Variants in TIMM23 observed in about 807,000 individuals in gnomAD.
TIMM23 encodes the protein mitochondrial import inner membrane translocase subunit Tim23.
Under a neutral mutation model 30.7 loss-of-function variants are expected in TIMM23, and 19 were observed. That is an observed-to-expected ratio of 0.62 (90% CI 0.43 to 0.91). The LOEUF (loss-of-function observed/expected upper bound fraction) is 0.91. Among genes scored for constraint, TIMM23 ranks in the 40% least tolerant of loss-of-function variants. The probability of loss-of-function intolerance (pLI) is 0.00; values close to 1 mark genes in which losing one functional copy is unlikely to be tolerated. For missense variants in TIMM23, 202 were observed against 269.2 expected (o/e 0.75, Z 1.75); for synonymous variants, 78 against 98.5 (o/e 0.79, Z 1.23).
At chr10:45,998,489 A>C in intron 6 of TIMM23, 1 of 653,312 alleles carries the variant, frequency 1.5e-6, no homozygotes, top group Non-Finnish European at 1.9e-6. Context: ...ACCTTTGCTT[A>C]TCAACTTCCT....
At chr10:45,972,816 T>G (rs1340531290) in intron 1 of TIMM23, 86 bp downstream of exon 1, 3 of 1,557,228 alleles carry the variant, frequency 1.9e-6, no homozygotes, top group African/African-American at 2.8e-5. Context: ...ATGTTGTTGT[T>G]TTTTTTTTCC....
intron 1 of TIMM23, among the ~76,000 whole-genome samples, chr10:45,974,357 G>T (rs1291558334): frequency 6.6e-6 from 1 of 152,220 alleles, no homozygotes; most frequent in African/African-American, 2.4e-5. Flanking sequence ...TCTCAAGGGA[G>T]TTGACATTTG....
chr10:45,986,190 AT>A (rs1837982695), intron 5 of TIMM23, among the ~76,000 whole-genome samples: 1 of 152,224 alleles, frequency 6.6e-6, no homozygotes, highest in South Asian at 2.1e-4. Context: ...TTGTCACAGA[AT>A]TTGGAAGCAG....
At chr10:45,999,557 G>A (rs988858753) in intron 6 of TIMM23, among the ~76,000 whole-genome samples, 2 of 152,130 alleles carry the variant, frequency 1.3e-5, no homozygotes, top group Admixed American at 6.5e-5. Context: ...GTGCGAATAG[G>A]TGTGGGTCAG....
At chr10:45,979,745 G>C (rs1837789696) in intron 2 of TIMM23, among the ~76,000 whole-genome samples, 1 of 150,778 alleles carries the variant, frequency 6.6e-6, no homozygotes, top group Admixed American at 6.7e-5. Context: ...TTGATGGTTC[G>C]GACCTTGCCA....
intron 6 of TIMM23, among the ~76,000 whole-genome samples, chr10:46,002,808 GTATTT>G (rs1451745834): frequency 8.7e-6 from 1 of 115,478 alleles, no homozygotes; most frequent in African/African-American, 3.3e-5. Context: ...CCATTTCATA[GTATTT>G]TTTTTTTTTT....
chr10:45,987,100 A>G (rs1838013409), intron 5 of TIMM23, among the ~76,000 whole-genome samples: 1 of 152,060 alleles, frequency 6.6e-6, no homozygotes, highest in Admixed American at 6.6e-5. Flanking sequence ...ATCAATTCAG[A>G]TGGTACAAAT....
At chr10:45,997,529 A>AGAGC (rs1838381223) in intron 6 of TIMM23, among the ~76,000 whole-genome samples, 1 of 152,322 alleles carries the variant, frequency 6.6e-6, no homozygotes, top group East Asian at 1.9e-4. Context: ...AGATGTTGGT[A>AGAGC]CACAGAGCAC....
intron 6 of TIMM23, among the ~76,000 whole-genome samples, chr10:45,993,014 C>T (rs1838212257): frequency 6.6e-6 from 1 of 152,120 alleles, no homozygotes; most frequent in Admixed American, 6.6e-5. Context: ...TTCCAGATAC[C>T]TACCTCAAAT....
At chr10:45,973,439 A>G (rs1837563013) in intron 1 of TIMM23, among the ~76,000 whole-genome samples, 1 of 152,206 alleles carries the variant, frequency 6.6e-6, no homozygotes, top group African/African-American at 2.4e-5. Context: ...AAAGATAGGC[A>G]GTTGGTCGTG....
intron 6 of TIMM23, among the ~76,000 whole-genome samples, chr10:45,997,936 C>G (rs1342104590): frequency 1.3e-5 from 2 of 152,060 alleles, no homozygotes; most frequent in African/African-American, 4.8e-5. Context: ...TACCATAATT[C>G]TTAAAAGAAT....
At chr10:45,976,038 C>A (rs1837663273) in intron 2 of TIMM23, among the ~76,000 whole-genome samples, 1 of 151,944 alleles carries the variant, frequency 6.6e-6, no homozygotes, top group Non-Finnish European at 1.5e-5. Context: ...GGATTACAGG[C>A]AAAGTGTGTT....
intron 2 of TIMM23, among the ~76,000 whole-genome samples, chr10:45,976,739 T>C (rs1384086644): frequency 6.6e-6 from 1 of 151,992 alleles, no homozygotes; most frequent in African/African-American, 2.4e-5. Flanking sequence ...AGGAACAAAA[T>C]AAGTATATTT....
intron 6 of TIMM23, among the ~76,000 whole-genome samples, chr10:46,002,194 T>A (rs1448479417): frequency 6.6e-6 from 1 of 151,972 alleles, no homozygotes; most frequent in Middle Eastern, 3.2e-3. Context: ...ACCACATTTT[T>A]TTTTTCTTTC....
chr10:45,984,134 C>T lies in TIMM23; in HGVS notation c.344+1204C>T, dbSNP rs1306357050. Among the ~76,000 whole-genome samples, 161 of 152,180 alleles carry T rather than the reference C, an allele frequency of 1.1e-3. 1 individual carries two copies. Among genetic ancestry groups the T allele is most frequent in the African/African-American group, 3.5e-3 (145 of 41,498 alleles). On this transcript the variant is annotated intron_variant, in intron 4 of 6. Coordinates refer to ENST00000580018, the MANE Select transcript of TIMM23 (RefSeq NM_006327.4). ...TTCAATATTTTTATTACTTGTCCCTCGCTTCAATAATATTTTTAAGTTTTT... is the reference window on the plus strand; with the variant it reads ...TTCAATATTTTTATTACTTGTCCCTTGCTTCAATAATATTTTTAAGTTTTT...
chr10:45,985,323 A>G, intron 4 of TIMM23, 60 bp from the exon 5 acceptor site: 2 of 1,609,444 alleles, frequency 1.2e-6, no homozygotes, highest in Admixed American at 1.7e-5. Flanking sequence ...TATTGTTTTT[A>G]AAGGTTACTA....
At chr10:46,002,862 C>T (rs1211378239) in intron 6 of TIMM23, among the ~76,000 whole-genome samples, 3 of 122,834 alleles carry the variant, frequency 2.4e-5, no homozygotes, top group African/African-American at 6.4e-5. Flanking sequence ...CTCATCCTGT[C>T]GCCCAGGCTG....
chr10:45,999,971 G>A (rs1301678466), intron 6 of TIMM23, among the ~76,000 whole-genome samples: 1 of 152,212 alleles, frequency 6.6e-6, no homozygotes, highest in African/African-American at 2.4e-5. Context: ...AGAACAGTAT[G>A]GCTCTGTTCC....
chr10:45,975,990 C>T (rs1429340157), intron 2 of TIMM23, among the ~76,000 whole-genome samples: 24 of 152,092 alleles, frequency 1.6e-4, no homozygotes, highest in African/African-American at 5.6e-4. Flanking sequence ...TCAATAGAGA[C>T]GGGGTTTCAC....
Sources: allele counts gnomAD v4.1 joint callset (sites outside exome capture counted in the v4.1 genomes callset), GRCh38; gene constraint gnomAD v4.1.1; transcripts MANE v1.5; gene names NCBI Gene and HGNC (gene_info 2026-07-23, HGNC 2026-07-21).